Variants in METTL25 observed in about 807,000 individuals in gnomAD.
METTL25 encodes the protein probable methyltransferase-like protein 25.
In METTL25, 64 loss-of-function variants were observed where a neutral mutation model predicts 71.6. The observed-to-expected ratio is 0.89, with a 90% CI of 0.73 to 1.10. METTL25 has a LOEUF of 1.10. METTL25 is among the 50% of genes least tolerant of loss of function. The pLI, the probability that METTL25 is intolerant of heterozygous loss-of-function variation, is 0.00. For synonymous variants in METTL25, 287 were observed against 250.3 expected, an observed-to-expected ratio of 1.15 and a Z score of -1.38; for missense variants, 807 against 707.0, an observed-to-expected ratio of 1.14 and a Z score of -1.60.
chr12:82,420,665 A>C (rs1888394470), intron 5 of METTL25, among the ~76,000 whole-genome samples: 1 of 152,134 alleles, frequency 6.6e-6, no homozygotes, highest in African/African-American at 2.4e-5. Context: ...TAAGATTAAA[A>C]ATCCAAATTG....
intron 3 of METTL25, among the ~76,000 whole-genome samples, chr12:82,398,293 A>C (rs1274498769): frequency 2.0e-5 from 3 of 150,716 alleles, no homozygotes; most frequent in Admixed American, 6.6e-5. Flanking sequence ...TATATTGGCC[A>C]GGGCAGTCTC....
intron 8 of METTL25, among the ~76,000 whole-genome samples, chr12:82,444,194 G>A (rs935982719): frequency 1.3e-5 from 2 of 152,100 alleles, no homozygotes; most frequent in African/African-American, 2.4e-5. Context: ...GGGAAAAGCA[G>A]CTCTAATTCA....
chr12:82,475,128 C>T (rs370740455), intron 9 of METTL25, among the ~76,000 whole-genome samples: 5 of 152,090 alleles, frequency 3.3e-5, no homozygotes, highest in African/African-American at 1.2e-4. Context: ...TGAAGAAATA[C>T]GTTTTCAGGG....
At chr12:82,375,442 GA>G (rs144093930) in intron 1 of METTL25, among the ~76,000 whole-genome samples, 8,725 of 33,906 alleles carry the variant, frequency 0.26, 360 homozygotes, top group African/African-American at 0.38. Flanking sequence ...GAGCTGTGAG[GA>G]AAAAAAAAAA....
intron 3 of METTL25, among the ~76,000 whole-genome samples, chr12:82,397,937 G>A (rs1886226520): frequency 6.6e-6 from 1 of 151,748 alleles, no homozygotes; most frequent in South Asian, 2.1e-4. Context: ...TTTTTCAAAA[G>A]TGTTTTCATT....
chr12:82,472,318 G>A (rs938807314), intron 9 of METTL25, among the ~76,000 whole-genome samples: 4 of 152,136 alleles, frequency 2.6e-5, no homozygotes, highest in African/African-American at 9.7e-5. Context: ...AAATTCTTGG[G>A]CCTGGCGCAG....
At chr12:82,380,532 A>G (rs935787419) in intron 1 of METTL25, among the ~76,000 whole-genome samples, 3 of 152,220 alleles carry the variant, frequency 2.0e-5, no homozygotes, top group Non-Finnish European at 4.4e-5. Context: ...TGTGAATTAC[A>G]TAAAACAACC....
intron 5 of METTL25, among the ~76,000 whole-genome samples, chr12:82,420,651 T>C (rs1011857068): frequency 1.3e-5 from 2 of 152,132 alleles, no homozygotes; most frequent in African/African-American, 4.8e-5. Context: ...TCAATAAATA[T>C]ATATAAGATT....
intron 1 of METTL25, 117 bp downstream of exon 1, chr12:82,358,941 G>T: frequency 7.8e-7 from 1 of 1,289,258 alleles, no homozygotes; most frequent in Non-Finnish European, 1.1e-6. Context: ...AGGCGGGGCG[G>T]CCCGCTGGGA....
intron 1 of METTL25, among the ~76,000 whole-genome samples, chr12:82,382,020 G>T (rs563085400): frequency 6.6e-6 from 1 of 152,170 alleles, no homozygotes; most frequent in Non-Finnish European, 1.5e-5. Flanking sequence ...TGGATTGATG[G>T]CACAAGAAGC....
intron 9 of METTL25, among the ~76,000 whole-genome samples, chr12:82,475,270 T>C (rs1892819531): frequency 6.6e-6 from 1 of 152,164 alleles, no homozygotes; most frequent in African/African-American, 2.4e-5. Flanking sequence ...TACCTTGAAG[T>C]TCAGGCCTGG....
chr12:82,365,032 TG>T (rs1882401876), intron 1 of METTL25, among the ~76,000 whole-genome samples: 1 of 152,220 alleles, frequency 6.6e-6, no homozygotes, highest in African/African-American at 2.4e-5. Flanking sequence ...TATTTTTAAT[TG>T]GCAAATAAAA....
In METTL25 at chr12:82,430,887, C is replaced by T; in HGVS notation, c.1280-6C>T. ...TAAATAATCCGTATTTTTCCCCCAT[C>T]TGCAGAACGTACTCAGGAAAAGTGG... On this transcript the variant is annotated splice_polypyrimidine_tract_variant and splice_region_variant and intron_variant, in intron 5 of 11. Coordinates refer to ENST00000248306, the MANE Select transcript of METTL25 (RefSeq NM_032230.3). 6.6e-7 allele frequency: 1 copy of T among 1,511,732 alleles called. No homozygotes were observed. Among genetic ancestry groups the T allele is most frequent in the Middle Eastern group, 1.7e-4 (1 of 5,794 alleles). 93.6% of individuals were successfully genotyped at this position (1,511,732 alleles called of 1,614,324 possible).
At position 82,435,457 on chromosome 12, in the gene METTL25, T is replaced by C. The variant is rs74106538; in HGVS notation, c.1404+733T>C. ...CATTGTTAAGCATTTTGTATGTAAT[T>C]ATCTTTTTAATATATACACTGTGCC... On this transcript the variant is annotated intron_variant, in intron 7 of 11. Coordinates refer to ENST00000248306, the MANE Select transcript of METTL25 (RefSeq NM_032230.3). 1.0e-2 allele frequency among the ~76,000 whole-genome samples: 1,515 copies of C among 151,610 alleles called. 18 individuals are homozygous for C. Among genetic ancestry groups the C allele is most frequent in the African/African-American group, 0.035 (1,436 of 41,470 alleles).
At chr12:82,395,852 A>G (rs550926005) in intron 3 of METTL25, among the ~76,000 whole-genome samples, 1 of 152,220 alleles carries the variant, frequency 6.6e-6, no homozygotes, top group East Asian at 1.9e-4. Context: ...TATTCTGATC[A>G]GATAGTTTGA....
At chr12:82,407,084 C>G (rs1327413883) in intron 5 of METTL25, among the ~76,000 whole-genome samples, 3 of 151,976 alleles carry the variant, frequency 2.0e-5, no homozygotes, top group Non-Finnish European at 4.4e-5. Context: ...TTTTATTGAC[C>G]TCCTTTCACA....
At chr12:82,392,044 C>G (rs931528799) in intron 3 of METTL25, among the ~76,000 whole-genome samples, 1 of 146,626 alleles carries the variant, frequency 6.8e-6, no homozygotes, top group Non-Finnish European at 1.5e-5. Context: ...TGAAAAATGT[C>G]TATTCAGATT....
intron 8 of METTL25, among the ~76,000 whole-genome samples, chr12:82,452,710 A>G (rs1263197741): frequency 6.6e-6 from 1 of 152,200 alleles, no homozygotes; most frequent in Non-Finnish European, 1.5e-5. Flanking sequence ...ATATCATGCA[A>G]AAGTAACCTT....
intron 5 of METTL25, among the ~76,000 whole-genome samples, chr12:82,420,981 C>T (rs111845533): frequency 2.0e-5 from 3 of 152,066 alleles, no homozygotes; most frequent in Admixed American, 1.3e-4. Flanking sequence ...CCTGCCTCAG[C>T]CTCCGAAGTA....
Sources: allele counts gnomAD v4.1 joint callset (sites outside exome capture counted in the v4.1 genomes callset), GRCh38; gene constraint gnomAD v4.1.1; transcripts MANE v1.5; gene names NCBI Gene and HGNC (gene_info 2026-07-23, HGNC 2026-07-21).